The following CHST9 variants were observed in gnomAD, a reference collection of about 807,000 sequenced individuals.
The protein encoded by CHST9 is carbohydrate sulfotransferase 9.
CHST9 carries 41 observed loss-of-function variants against 44.4 expected under a neutral mutation model. The observed-to-expected ratio is 0.92, with a 90% CI of 0.72 to 1.20. The LOEUF is 1.20. CHST9 is among the 50% of genes most tolerant of loss of function. CHST9 has a pLI of 0.00. For synonymous variants in CHST9, 171 were observed against 178.4 expected, an observed-to-expected ratio of 0.96 and a Z score of 0.33; for missense variants, 504 against 516.5, an observed-to-expected ratio of 0.98 and a Z score of 0.23.
chr18:27,059,431 A>G (rs996477060), intron 2 of CHST9, among the ~76,000 whole-genome samples: 1 of 152,206 alleles, frequency 6.6e-6, no homozygotes, highest in African/African-American at 2.4e-5. Flanking sequence ...TAAAGGATCA[A>G]TTAGTGGAAT....
chr18:27,090,795 A>C (rs1469479944), intron 2 of CHST9, among the ~76,000 whole-genome samples: 1 of 151,960 alleles, frequency 6.6e-6, no homozygotes, highest in African/African-American at 2.4e-5. Flanking sequence ...GTTCTGTTCC[A>C]TTGGTCTATA....
intron 5 of CHST9, among the ~76,000 whole-genome samples, chr18:26,939,247 A>AAGGT (rs1419155668): frequency 6.6e-6 from 1 of 152,186 alleles, no homozygotes; most frequent in East Asian, 1.9e-4. Flanking sequence ...CTTCATGGAG[A>AAGGT]AGGTAGTATT....
At chr18:26,973,911 G>A (rs893248384) in intron 4 of CHST9, among the ~76,000 whole-genome samples, 3 of 152,208 alleles carry the variant, frequency 2.0e-5, no homozygotes, top group African/African-American at 7.2e-5. Flanking sequence ...CTCATGCTGA[G>A]CTCTCTAATT....
chr18:26,976,908 T>C (rs2145182958), intron 4 of CHST9, among the ~76,000 whole-genome samples: 1 of 152,224 alleles, frequency 6.6e-6, no homozygotes, highest in East Asian at 1.9e-4. Context: ...GCAGTGCTTA[T>C]GTATAGCTGC....
chr18:27,080,267 C>T (rs1176493347), intron 2 of CHST9, among the ~76,000 whole-genome samples: 2 of 151,922 alleles, frequency 1.3e-5, no homozygotes, highest in South Asian at 2.1e-4. Context: ...GTTCAACCTG[C>T]GTATCTCCAC....
At chr18:27,167,100 G>A (rs2058796630) in intron 1 of CHST9, among the ~76,000 whole-genome samples, 1 of 152,196 alleles carries the variant, frequency 6.6e-6, no homozygotes, top group African/African-American at 2.4e-5. Flanking sequence ...GGTAAAGGGA[G>A]GACATCTTTC....
chr18:27,006,980 T>C (rs570810728), intron 4 of CHST9, among the ~76,000 whole-genome samples: 1 of 152,238 alleles, frequency 6.6e-6, no homozygotes, highest in Admixed American at 6.5e-5. Context: ...CATGTGTACG[T>C]GCATGTGTGT....
At chr18:26,975,751 ATATATATATATAT>A (rs1568117431) in intron 4 of CHST9, among the ~76,000 whole-genome samples, 1 of 139,228 alleles carries the variant, frequency 7.2e-6, no homozygotes, top group African/African-American at 2.6e-5. Context: ...ATATATATAT[ATATATATATATAT>A]AACATTTTCT....
intron 4 of CHST9, among the ~76,000 whole-genome samples, chr18:26,962,247 TCCGTGGTCTGCTGCTCCCTCTA>T (rs1448789892): frequency 1.1e-4 from 16 of 151,734 alleles, no homozygotes; most frequent in African/African-American, 3.9e-4. Flanking sequence ...TATACTATCT[TCCGTGGTCTGCTGCTCCCTCTA>T]CTCCTATCCC....
intron 4 of CHST9, among the ~76,000 whole-genome samples, chr18:26,967,548 T>C (rs2056483080): frequency 1.3e-5 from 2 of 152,244 alleles, no homozygotes; most frequent in South Asian, 4.1e-4. Flanking sequence ...TTGTATGTGT[T>C]TAGAAATTTC....
At position 27,166,953 on chromosome 18, in the gene CHST9, A is replaced by G. The variant is rs573771148; in HGVS notation, c.-97+18183T>C. ...GGAAATTAGGAAAATGTGACACAGC[A>G]AAGGAGCTAGGGGTAGAGTCCTTAA... On this transcript the variant is annotated intron_variant, in intron 1 of 5. Transcript: ENST00000618847. 1.2e-3 allele frequency among the ~76,000 whole-genome samples: 189 copies of G among 152,356 alleles called. 1 individual carries two copies. Among genetic ancestry groups the G allele is most frequent in the Admixed American group, 3.6e-3 (55 of 15,308 alleles).
chr18:27,069,444 G>C (rs1442670158), intron 2 of CHST9, among the ~76,000 whole-genome samples: 3 of 152,054 alleles, frequency 2.0e-5, no homozygotes, highest in African/African-American at 7.2e-5. Context: ...ACATGAAAAA[G>C]TGAGAAAATG....
intron 4 of CHST9, among the ~76,000 whole-genome samples, chr18:27,002,661 G>A (rs576173727): frequency 1.3e-5 from 2 of 152,268 alleles, no homozygotes; most frequent in African/African-American, 4.8e-5. Context: ...GGTAGGTTAG[G>A]TGTATTAAAT....
chr18:27,062,174 T>C (rs2057730373), intron 2 of CHST9, among the ~76,000 whole-genome samples: 1 of 152,154 alleles, frequency 6.6e-6, no homozygotes, highest in South Asian at 2.1e-4. Context: ...TTTTTTTTAT[T>C]ATTATACTTT....
Position 27,065,811 on chromosome 18 carries a change from A to G in CHST9, c.122-17308T>C, listed in dbSNP as rs769203526. ...AATATTAAGTTATTTCCAATTCTGC[A>G]TTATGTTGGACCCCATTCTATCAAT... On this transcript the variant is annotated intron_variant, in intron 2 of 5. Transcript: ENST00000618847. 4.7e-4 allele frequency among the ~76,000 whole-genome samples: 71 copies of G among 152,308 alleles called. 1 individual carries two copies. The highest frequency in any genetic ancestry group is 1.0e-3 in the South Asian group (5 of 4,832).
At chr18:26,993,918 C>T (rs980214080) in intron 4 of CHST9, among the ~76,000 whole-genome samples, 6 of 152,194 alleles carry the variant, frequency 3.9e-5, no homozygotes, top group Non-Finnish European at 8.8e-5. Context: ...GGCAAGGTGC[C>T]GGCAGGGCAC....
intron 2 of CHST9, among the ~76,000 whole-genome samples, chr18:27,074,266 C>T (rs1442996133): frequency 5.3e-5 from 8 of 152,106 alleles, no homozygotes; most frequent in African/African-American, 4.8e-5. Flanking sequence ...AAGGATCTCT[C>T]GTCAAATTCA....
chr18:26,963,720 T>C (rs1309823559), intron 4 of CHST9, among the ~76,000 whole-genome samples: 1 of 152,202 alleles, frequency 6.6e-6, no homozygotes, highest in Non-Finnish European at 1.5e-5. Context: ...CAGGACTAAT[T>C]CTTCATTTTA....
In CHST9 at chr18:27,074,672, T is replaced by C. The variant is rs116958443; in HGVS notation, c.122-26169A>G. Among the ~76,000 whole-genome samples, 35 of 152,216 alleles carry C rather than the reference T, an allele frequency of 2.3e-4. 2 individuals carry two copies. The East Asian group carries it at 6.8e-3, about 29-fold the overall frequency. Reference sequence around the variant, plus strand: ...GGGGGTTTGATGTTGGTATTCTATTTATATAAAACACATGATATTTCCTAG... The same window carrying C: ...GGGGGTTTGATGTTGGTATTCTATTCATATAAAACACATGATATTTCCTAG... On this transcript the variant is annotated intron_variant, in intron 2 of 5. Transcript: ENST00000618847.
Sources: allele counts gnomAD v4.1 joint callset (sites outside exome capture counted in the v4.1 genomes callset), GRCh38; gene constraint gnomAD v4.1.1; transcripts MANE v1.5; gene names NCBI Gene and HGNC (gene_info 2026-07-23, HGNC 2026-07-21).